The following ACMSD variants were observed in gnomAD, a reference collection of about 807,000 sequenced individuals.
The protein encoded by ACMSD is 2-amino-3-carboxymuconate-6-semialdehyde decarboxylase.
In ACMSD, 37 loss-of-function variants were observed where a neutral mutation model predicts 45.9. The observed-to-expected ratio is 0.81, with a 90% CI of 0.62 to 1.06. ACMSD has a LOEUF of 1.06. ACMSD is among the 50% of genes least tolerant of loss of function. ACMSD has a pLI of 0.00. For synonymous variants in ACMSD, 138 were observed against 148.8 expected, an observed-to-expected ratio of 0.93 and a Z score of 0.53; for missense variants, 434 against 420.9, an observed-to-expected ratio of 1.03 and a Z score of -0.27.
intron 2 of ACMSD, among the ~76,000 whole-genome samples, chr2:134,850,847 T>G (rs940870808): frequency 6.6e-6 from 1 of 152,164 alleles, no homozygotes; most frequent in African/African-American, 2.4e-5. Flanking sequence ...CCTGGGTGTA[T>G]CAAGTGACGC....
chr2:134,849,726 A>G (rs1687241327), intron 2 of ACMSD, among the ~76,000 whole-genome samples: 1 of 152,190 alleles, frequency 6.6e-6, no homozygotes, highest in Admixed American at 6.5e-5. Flanking sequence ...AGAAGTGAAA[A>G]ACATTATTTG....
chr2:134,847,009 T>C (rs1284407655), intron 2 of ACMSD, among the ~76,000 whole-genome samples: 1 of 152,072 alleles, frequency 6.6e-6, no homozygotes, highest in Non-Finnish European at 1.5e-5. Flanking sequence ...AGAGTTGATG[T>C]GTTCAAGGAA....
intron 1 of ACMSD, among the ~76,000 whole-genome samples, chr2:134,843,360 T>C (rs920839185): frequency 6.6e-6 from 1 of 152,108 alleles, no homozygotes; most frequent in African/African-American, 2.4e-5. Flanking sequence ...AAAGGTAATA[T>C]GATAATTTGG....
At chr2:134,864,861 G>A (rs1020272430) in intron 5 of ACMSD, among the ~76,000 whole-genome samples, 1 of 152,100 alleles carries the variant, frequency 6.6e-6, no homozygotes, top group Non-Finnish European at 1.5e-5. Flanking sequence ...ATCTCCATCA[G>A]TCTTCTTCTT....
At chr2:134,861,080 T>G (rs766556066) in intron 3 of ACMSD, among the ~76,000 whole-genome samples, 5 of 152,042 alleles carry the variant, frequency 3.3e-5, no homozygotes, top group Non-Finnish European at 5.9e-5. Flanking sequence ...AAATTGAACT[T>G]TGCAGAAAAC....
At chr2:134,868,105 C>T (rs551378258) in intron 6 of ACMSD, among the ~76,000 whole-genome samples, 16 of 152,212 alleles carry the variant, frequency 1.1e-4, no homozygotes, top group Non-Finnish European at 1.5e-4. Context: ...ATTTTTTAGA[C>T]GATGATAATA....
At chr2:134,901,709 G>T (rs1355702807) in intron 9 of ACMSD, 89 bp from the exon 10 acceptor site, 2 of 830,452 alleles carry the variant, frequency 2.4e-6, no homozygotes. Context: ...ATATTGGGGA[G>T]CTGATTTTTT....
intron 8 of ACMSD, among the ~76,000 whole-genome samples, chr2:134,883,485 T>G (rs1689160743): frequency 6.6e-6 from 1 of 152,092 alleles, no homozygotes; most frequent in Non-Finnish European, 1.5e-5. Context: ...AAATAACAGG[T>G]GATAGAACTA....
chr2:134,851,877 C>G (rs1012734844), intron 2 of ACMSD, among the ~76,000 whole-genome samples: 1 of 152,134 alleles, frequency 6.6e-6, no homozygotes, highest in East Asian at 1.9e-4. Context: ...TGATGTGGAG[C>G]ATTTTTTCAT....
At chr2:134,879,903 G>T (rs1688943099) in intron 8 of ACMSD, among the ~76,000 whole-genome samples, 1 of 152,120 alleles carries the variant, frequency 6.6e-6, no homozygotes, top group Non-Finnish European at 1.5e-5. Flanking sequence ...TCTTCATGAG[G>T]ATATTCTCAA....
chr2:134,863,565 G>C lies in ACMSD; in HGVS notation c.420G>C (p.Gly140=), dbSNP rs1008452543. 3 of 1,614,154 alleles carry C rather than the reference G, an allele frequency of 1.9e-6. No individual in the cohort carries two copies. The highest frequency in any genetic ancestry group is 2.5e-6 in the Non-Finnish European group (3 of 1,179,994). ...GTGTGAAAGAGCTGGGCTTTCCCGG[G>C]GTCCAAATTGGCACCCACGTCAACG... The part of the protein sequence containing the change: ...ERCVKELGFP[G]VQIGTHVNEW... The change falls in exon 5 of 10, where the codon GGG becomes GGC. Residue 140 remains glycine, a synonymous_variant. Coordinates refer to ENST00000356140, the MANE Select transcript of ACMSD (RefSeq NM_138326.3).
At chr2:134,870,787 T>C (rs1189308105) in intron 6 of ACMSD, among the ~76,000 whole-genome samples, 178 bp from the exon 7 acceptor site, 2 of 152,152 alleles carry the variant, frequency 1.3e-5, no homozygotes, top group African/African-American at 4.8e-5. Context: ...AAGTGGCAAG[T>C]AGGAAGTTTC....
chr2:134,845,125 A>G, intron 1 of ACMSD, 108 bp from the exon 2 acceptor site: 1 of 1,080,930 alleles, frequency 9.3e-7, no homozygotes, highest in Non-Finnish European at 1.4e-6. Flanking sequence ...GGGAAATGGG[A>G]AGGCAATGCT....
chr2:134,892,397 T>C (rs922944329), intron 8 of ACMSD, among the ~76,000 whole-genome samples: 7 of 152,036 alleles, frequency 4.6e-5, no homozygotes, highest in Admixed American at 2.0e-4. Flanking sequence ...AGGCCAAAAC[T>C]TGAAGCTAGA....
Position 134,872,593 on chromosome 2 carries a change from G to A in ACMSD, c.801G>A (p.Leu267=), listed in dbSNP as rs1456875292. 2 of 1,614,100 alleles carry A rather than the reference G, an allele frequency of 1.2e-6. No individual in the cohort carries two copies. Among genetic ancestry groups the A allele is most frequent in the East Asian group, 4.5e-5 (2 of 44,872 alleles). The part of the protein sequence containing the change: ...KYLGSFYTDA[L]VHDPLSLKLL... ...TTGGTTCCTTTTACACAGATGCTTT[G>A]GTTCATGATCCTCTGTCCCTCAAGC... Residue 267 remains leucine (L), a synonymous_variant, in exon 8 of 10, where the codon TTG becomes TTA. Transcript: ENST00000356140.
At chr2:134,853,717 A>G (rs1377426179) in intron 2 of ACMSD, among the ~76,000 whole-genome samples, 1 of 152,120 alleles carries the variant, frequency 6.6e-6, no homozygotes, top group Non-Finnish European at 1.5e-5. Context: ...AAAAAAACCA[A>G]TGAGAACTGG....
At chr2:134,894,558 C>A in intron 8 of ACMSD, among the ~76,000 whole-genome samples, 1 of 152,062 alleles carries the variant, frequency 6.6e-6, no homozygotes, top group East Asian at 1.9e-4. Context: ...AAAACAAATT[C>A]TTCACCAATG....
At chr2:134,885,351 TATATATTTACATATATATTATATATA>T (rs1689325600) in intron 8 of ACMSD, among the ~76,000 whole-genome samples, 1 of 108,550 alleles carries the variant, frequency 9.2e-6, no homozygotes, top group South Asian at 2.5e-4. Flanking sequence ...TTATATATAA[TATATATTTACATATATATTATATATA>T]ATATATATGT....
intron 1 of ACMSD, among the ~76,000 whole-genome samples, chr2:134,842,539 G>A (rs947126469): frequency 1.6e-4 from 24 of 151,844 alleles, no homozygotes; most frequent in Non-Finnish European, 2.8e-4. Flanking sequence ...CAGCCATCAC[G>A]GGTACCACCA....
Sources: gnomAD v4.1 joint callset for allele counts (sites outside exome capture counted in the v4.1 genomes callset) on GRCh38, gnomAD v4.1.1 for gene constraint, MANE v1.5 for transcripts, NCBI Gene and HGNC (gene_info 2026-07-23, HGNC 2026-07-21) for gene names.